Variants in KCNJ3 observed in about 807,000 individuals in gnomAD.
KCNJ3 encodes G protein-activated inward rectifier potassium channel 1.
A neutral mutation model predicts 39.2 loss-of-function variants in KCNJ3; 4 were observed. The observed-to-expected ratio is 0.10, with a 90% confidence interval of 0.05 to 0.23. The LOEUF is 0.23. Among genes scored for constraint, KCNJ3 ranks in the 10% least tolerant of loss-of-function variants. The pLI, the probability that KCNJ3 is intolerant of heterozygous loss-of-function variation, is 1.00. For synonymous variants in KCNJ3, 230 were observed against 237.4 expected, an observed-to-expected ratio of 0.97 and a Z score of 0.29; for missense variants, 276 against 634.9, an observed-to-expected ratio of 0.43 and a Z score of 6.08.
At position 154,699,030 on chromosome 2, in the gene KCNJ3, C is replaced by A; in HGVS notation, c.255C>A (p.Phe85Leu). Residue 85 changes from phenylalanine to leucine, a missense_variant, in exon 1 of 3, where the codon TTC becomes TTA. By Grantham distance (22) the Phe-to-Leu change is conservative. Transcript: ENST00000295101. The surrounding 1 kb of genome is among the most constrained non-coding windows in gnomAD (Gnocchi z 6.4). The stretch of plus-strand genomic sequence containing the variant: ...ACCTCAAGTGGCGCTGGAACCTCTT[C>A]ATCTTCATTCTCACCTACACCGTGG... ...LVDLKWRWNL[F>L]IFILTYTVAW... The A allele has an allele frequency of 6.2e-7, 1 of 1,614,252 alleles. No individual in the cohort carries two copies. Among genetic ancestry groups the A allele is most frequent in the Non-Finnish European group, 8.5e-7 (1 of 1,180,050 alleles).
At chr2:154,850,557 A>G (rs1417113920) in intron 2 of KCNJ3, among the ~76,000 whole-genome samples, 1 of 152,210 alleles carries the variant, frequency 6.6e-6, no homozygotes, top group African/African-American at 2.4e-5. Context: ...CTGTTATCCA[A>G]TTTATAAATC....
At chr2:154,711,819 TAA>T (rs1444233565) in intron 2 of KCNJ3, among the ~76,000 whole-genome samples, 1 of 152,144 alleles carries the variant, frequency 6.6e-6, no homozygotes. Flanking sequence ...CATGAGATTG[TAA>T]AGAGTTTTAT....
In KCNJ3 at chr2:154,709,338, G is replaced by C. The variant is rs374201650; in HGVS notation, c.703-265G>C. ...ACAGTTTGTGCTAACAACCATTGTT[G>C]GACCAGGCATTTCTCCAAAGCTCAT... On this transcript the variant is annotated intron_variant, in intron 1 of 2. Transcript: ENST00000295101. 1.0e-5 allele frequency: 5 copies of C among 477,532 alleles called. No homozygotes were observed. The East Asian group carries it at 1.1e-4, about 11-fold the overall frequency. 29.6% of individuals were successfully genotyped at this position (477,532 alleles called of 1,614,324 possible).
chr2:154,847,233 A>G (rs1264614188), intron 2 of KCNJ3, among the ~76,000 whole-genome samples: 1 of 152,198 alleles, frequency 6.6e-6, no homozygotes, highest in East Asian at 1.9e-4. Flanking sequence ...TTTTATAAAA[A>G]AGATTAAAAA....
At chr2:154,780,806 A>G (rs2105203183) in intron 2 of KCNJ3, among the ~76,000 whole-genome samples, 1 of 152,312 alleles carries the variant, frequency 6.6e-6, no homozygotes, top group South Asian at 2.1e-4. Flanking sequence ...GACATGAATA[A>G]TTTCTGAACA....
At chr2:154,824,559 T>G (rs896072410) in intron 2 of KCNJ3, among the ~76,000 whole-genome samples, 3 of 152,108 alleles carry the variant, frequency 2.0e-5, no homozygotes, top group African/African-American at 7.2e-5. Flanking sequence ...AAGTCAAGGA[T>G]TTATTGAGGT....
Position 154,699,187 on chromosome 2 carries a change from A to G in KCNJ3, c.412A>G (p.Ile138Val). The change falls in exon 1 of 3, where the codon ATC (isoleucine) becomes GTC (valine). Residue 138 changes from isoleucine to valine, a missense_variant. By Grantham distance (29) the Ile-to-Val change is conservative. Around this residue, in one of 4 missense-constraint regions of KCNJ3, gnomAD observed 46 missense variants for 206.6 expected, o/e 0.22. Coordinates refer to ENST00000295101, the MANE Select transcript of KCNJ3 (RefSeq NM_002239.4). This position sits in a 1 kb window ranked among gnomAD's most constrained non-coding sequence, Gnocchi z 6.4. ...CTTCCCTTCTGCCTTCCTCTTCTTC[A>G]TCGAGACGGAGGCCACCATCGGCTA... is the stretch of plus-strand genomic sequence containing the variant. ...YNFPSAFLFF[I>V]ETEATIGYGY... The G allele has an allele frequency of 6.2e-7, 1 of 1,614,096 alleles. No homozygotes were observed. Among genetic ancestry groups the G allele is most frequent in the Non-Finnish European group, 8.5e-7 (1 of 1,180,034 alleles).
At chr2:154,746,630 ATG>A (rs749573234) in intron 2 of KCNJ3, among the ~76,000 whole-genome samples, 13 of 135,000 alleles carry the variant, frequency 9.6e-5, no homozygotes, top group Middle Eastern at 3.7e-3. Flanking sequence ...ATATATATAT[ATG>A]TATATATGTG....
chr2:154,754,659 T>C (rs574221741), intron 2 of KCNJ3, among the ~76,000 whole-genome samples: 1 of 151,568 alleles, frequency 6.6e-6, no homozygotes, highest in African/African-American at 2.4e-5. Flanking sequence ...CTATTTTACT[T>C]AGGGCTTACA....
At chr2:154,848,558 G>T (rs914224753) in intron 2 of KCNJ3, among the ~76,000 whole-genome samples, 5 of 151,890 alleles carry the variant, frequency 3.3e-5, no homozygotes, top group Non-Finnish European at 7.4e-5. Flanking sequence ...TCATCAATTG[G>T]TTTCCCATAC....
intron 2 of KCNJ3, among the ~76,000 whole-genome samples, chr2:154,720,375 C>T (rs2105159377): frequency 6.6e-6 from 1 of 152,116 alleles, no homozygotes; most frequent in Non-Finnish European, 1.5e-5. Context: ...CAGAGAAGAG[C>T]TATGTCTAGA....
intron 2 of KCNJ3, among the ~76,000 whole-genome samples, chr2:154,797,926 C>T (rs1318410453): frequency 2.0e-5 from 3 of 152,056 alleles, no homozygotes; most frequent in East Asian, 3.9e-4. Flanking sequence ...CAATGTTCTA[C>T]AGCAGATCTC....
intron 2 of KCNJ3, among the ~76,000 whole-genome samples, chr2:154,823,406 CT>C (rs55722860): frequency 0.73 from 106,943 of 145,574 alleles, 39,477 homozygotes; most frequent in East Asian, 0.87. Flanking sequence ...TTTCCACATT[CT>C]TTTTTTTTTT....
At chr2:154,724,097 A>G (rs1685309725) in intron 2 of KCNJ3, among the ~76,000 whole-genome samples, 1 of 152,174 alleles carries the variant, frequency 6.6e-6, no homozygotes, top group Non-Finnish European at 1.5e-5. Context: ...CTGTGAAGAA[A>G]AAACAAAATA....
intron 2 of KCNJ3, among the ~76,000 whole-genome samples, chr2:154,797,419 C>G (rs1057374457): frequency 6.6e-6 from 1 of 151,872 alleles, no homozygotes; most frequent in African/African-American, 2.4e-5. Context: ...ATTTAATAAA[C>G]CAAAACTCCG....
chr2:154,842,769 T>A (rs920111552), intron 2 of KCNJ3, among the ~76,000 whole-genome samples: 2 of 151,602 alleles, frequency 1.3e-5, no homozygotes, highest in African/African-American at 4.8e-5. Context: ...CAACACCTGC[T>A]TTTTTTTTCT....
rs142626651 is a variant in KCNJ3, at chr2:154,793,275, G to A, written c.920-61452G>A. The stretch of plus-strand genomic sequence containing the variant: ...CCAATACTTGAAATCTTCTTTTCAC[G>A]ACTTCTCTTTGCTCACCGGAAAATA... On this transcript the variant is annotated intron_variant, in intron 2 of 2. Transcript: ENST00000295101. Among the ~76,000 whole-genome samples the A allele has an allele frequency of 2.5e-3, 373 of 151,760 alleles. 1 individual carries two copies. The highest frequency in any genetic ancestry group is 8.5e-3 in the African/African-American group (354 of 41,424).
chr2:154,702,983 G>A (rs1684932260), intron 1 of KCNJ3, among the ~76,000 whole-genome samples: 1 of 151,876 alleles, frequency 6.6e-6, no homozygotes, highest in African/African-American at 2.4e-5. Context: ...CCTGGATTAG[G>A]GATTTGAGAC....
chr2:154,850,120 C>T (rs972943770), intron 2 of KCNJ3, among the ~76,000 whole-genome samples: 3 of 138,746 alleles, frequency 2.2e-5, no homozygotes, highest in African/African-American at 8.1e-5. Context: ...TGCCAGTTTC[C>T]ACAGAGATGA....
Sources: gnomAD v4.1 joint callset for allele counts (sites outside exome capture counted in the v4.1 genomes callset) on GRCh38, gnomAD v4.1.1 for gene constraint, gnomAD v4.1.1 regional missense constraint, Gnocchi (gnomAD v3.1) non-coding constraint, MANE v1.5 for transcripts, NCBI Gene and HGNC (gene_info 2026-07-23, HGNC 2026-07-21) for gene names.